DICER1: variants seen among roughly 807,000 people sequenced by gnomAD.
DICER1 encodes endoribonuclease Dicer.
Under a neutral mutation model 194.1 loss-of-function variants are expected in DICER1, and 43 were observed. That is an observed-to-expected ratio of 0.22 (90% CI 0.17 to 0.29). The LOEUF (loss-of-function observed/expected upper bound fraction) is 0.29, where lower values mean the gene tolerates loss of function less well. Ranked by LOEUF, DICER1 falls within the 10% of genes least tolerant of loss-of-function variation. The pLI is 1.00. For synonymous variants in DICER1, 832 were observed against 820.5 expected, an observed-to-expected ratio of 1.01 and a Z score of -0.24; for missense variants, 1,608 against 2,317.0, an observed-to-expected ratio of 0.69 and a Z score of 6.28.
In DICER1 at chr14:95,108,342, C is replaced by T. The variant is rs779385204; in HGVS notation, c.2418G>A (p.Thr806=). ...EDTTRCFGIL[T]AKPIPQIPHF... is the part of the protein sequence containing the mutation. ...TACCTACCTGAGGTATGGGTTTGGC[C>T]GTCAGTATTCCAAAGCATCTTGTGG... The change falls in exon 15 of 27, where the codon ACG becomes ACA. Residue 806 remains threonine, a synonymous_variant. Coordinates refer to ENST00000343455, the MANE Select transcript of DICER1 (RefSeq NM_177438.3). The T allele has an allele frequency of 4.3e-6, 7 of 1,613,812 alleles. No individual in the cohort carries two copies. Among genetic ancestry groups the T allele is most frequent in the Admixed American group, 3.3e-5 (2 of 59,998 alleles).
chr14:95,149,838 C>T (rs990011655), intron 1 of DICER1, among the ~76,000 whole-genome samples: 3 of 150,196 alleles, frequency 2.0e-5, no homozygotes, highest in East Asian at 3.8e-4. Flanking sequence ...AAATTAGACA[C>T]TTTTAAATTA....
intron 1 of DICER1, among the ~76,000 whole-genome samples, chr14:95,143,095 A>G (rs910359410): frequency 6.6e-6 from 1 of 152,202 alleles, no homozygotes; most frequent in Non-Finnish European, 1.5e-5. Context: ...AAACAAATGG[A>G]AAAAAACCAC....
intron 8 of DICER1, among the ~76,000 whole-genome samples, chr14:95,123,244 T>C (rs1893099837): frequency 6.6e-6 from 1 of 152,160 alleles, no homozygotes. Flanking sequence ...AAATCTTTCA[T>C]TGAAGGGAGA....
chr14:95,106,380 T>C (rs113189950), intron 17 of DICER1, 157 bp from the exon 18 acceptor site: 251 of 646,954 alleles, frequency 3.9e-4, no homozygotes, highest in African/African-American at 3.9e-3. Flanking sequence ...ATTTCAAGTA[T>C]GTAAGAACTG....
rs1038864590 is a variant in DICER1 at position 95,107,595 on chromosome 14, T to C, written c.2804+13A>G. On this transcript the variant is annotated intron_variant, in intron 17 of 26. Transcript: ENST00000343455. Reference sequence around the variant, plus strand: ...AGTATCACCACCATTTTCCTTTCCATTTAAATACCTACCTTGGAATGATAA... The same window carrying C: ...AGTATCACCACCATTTTCCTTTCCACTTAAATACCTACCTTGGAATGATAA... The C allele has an allele frequency of 1.9e-6, 3 of 1,613,590 alleles. No homozygotes were observed. The African/African-American group carries it at 4.0e-5, about 22-fold the overall frequency.
At chr14:95,114,439 GATAAT>G (rs1416709315) in intron 11 of DICER1, among the ~76,000 whole-genome samples, 1 of 152,138 alleles carries the variant, frequency 6.6e-6, no homozygotes, top group Non-Finnish European at 1.5e-5. Context: ...ATTAAAAAAT[GATAAT>G]ATAAGAATGA....
intron 1 of DICER1, among the ~76,000 whole-genome samples, chr14:95,156,281 G>A (rs1258185922): frequency 6.6e-6 from 1 of 152,198 alleles, no homozygotes; most frequent in Non-Finnish European, 1.5e-5. Flanking sequence ...AGAAGCATAG[G>A]CGTCCAAGTG....
chr14:95,106,249 T>A (rs1891418384), intron 17 of DICER1, 26 bp from the exon 18 acceptor site: 1 of 1,564,006 alleles, frequency 6.4e-7, no homozygotes, highest in Non-Finnish European at 8.8e-7. Flanking sequence ...AAAAAAACAA[T>A]CAGTTGCTTT....
Position 95,117,772 on chromosome 14 carries a change from A to T in DICER1, c.1377-18T>A, listed in dbSNP as rs1032236740. The T allele has an allele frequency of 1.9e-6, 3 of 1,612,710 alleles. No homozygotes were observed. The highest frequency in any genetic ancestry group is 2.7e-5 in the African/African-American group (2 of 74,838). On this transcript the variant is annotated intron_variant, in intron 8 of 26. Coordinates refer to ENST00000343455, the MANE Select transcript of DICER1 (RefSeq NM_177438.3). ...TTATCAATCTAAGAAAATTATACAC[A>T]TTTGGAAGTTAAACGTTGCTGAAAG...
At chr14:95,098,571 C>T (rs1419781292) in intron 22 of DICER1, among the ~76,000 whole-genome samples, 2 of 151,606 alleles carry the variant, frequency 1.3e-5, no homozygotes, top group African/African-American at 4.9e-5. Context: ...AAATCAATGA[C>T]ATGCCAATGT....
intron 7 of DICER1, among the ~76,000 whole-genome samples, chr14:95,125,770 AG>A (rs1432982114): frequency 4.1e-5 from 1 of 24,254 alleles, no homozygotes; most frequent in East Asian, 1.6e-3. Flanking sequence ...GGGGGAGGGG[AG>A]GGGGAGGGAG....
intron 1 of DICER1, among the ~76,000 whole-genome samples, chr14:95,156,650 C>T (rs890804872): frequency 1.8e-4 from 27 of 152,268 alleles, no homozygotes; most frequent in African/African-American, 6.5e-4. Context: ...GGCACAAAAA[C>T]ATCTGAGGGG....
At chr14:95,144,259 G>A (rs929133835) in intron 1 of DICER1, among the ~76,000 whole-genome samples, 3 of 152,026 alleles carry the variant, frequency 2.0e-5, no homozygotes, top group Non-Finnish European at 2.9e-5. Flanking sequence ...ATGTATACCC[G>A]CCTATGCAGG....
intron 13 of DICER1, 68 bp downstream of exon 13, chr14:95,112,104 C>G: frequency 7.3e-7 from 1 of 1,374,092 alleles, no homozygotes; most frequent in Non-Finnish European, 1.0e-6. Context: ...ATAAAGTCCT[C>G]TATATGCTTT....
At chr14:95,136,173 CTAT>C (rs1445436128) in intron 1 of DICER1, among the ~76,000 whole-genome samples, 1 of 151,238 alleles carries the variant, frequency 6.6e-6, no homozygotes, top group Non-Finnish European at 1.5e-5. Context: ...TATTTTTGTC[CTAT>C]TATTCTTGCA....
intron 1 of DICER1, among the ~76,000 whole-genome samples, chr14:95,142,121 A>AT (rs373712461): frequency 2.9e-4 from 43 of 148,962 alleles, no homozygotes; most frequent in African/African-American, 6.4e-4. Flanking sequence ...TTTGTTTTTT[A>AT]TTTTTTTTTT....
chr14:95,099,787 T>C lies in DICER1; in HGVS notation c.4199A>G (p.Asp1400Gly), dbSNP rs139536688. Residue 1400 changes from aspartate (D) to glycine (G), a missense_variant, in exon 22 of 27, where the codon GAT (aspartate) becomes GGT (glycine). Physicochemically the swap from Asp to Gly is moderately conservative, Grantham distance 94. Transcript: ENST00000343455. ...DKSNTDKWEK[D>G]EMTKDCMLAN... is the part of the protein sequence containing the mutation. ...ACACACACACAAACTTACCATTTCATCTTTTTCCCATTTATCTGTGTTGCT... is the reference window on the plus strand; with the variant it reads ...ACACACACACAAACTTACCATTTCACCTTTTTCCCATTTATCTGTGTTGCT... The C allele has an allele frequency of 4.7e-5, 76 of 1,612,760 alleles. No homozygotes were observed. Among genetic ancestry groups the C allele is most frequent in the South Asian group, 7.7e-5 (7 of 91,066 alleles).
chr14:95,113,336 TA>T, intron 11 of DICER1, 112 bp from the exon 12 acceptor site: 2 of 1,052,996 alleles, frequency 1.9e-6, no homozygotes, highest in Non-Finnish European at 2.9e-6. Flanking sequence ...AATTTGTATT[TA>T]TATGTGGCAT....
intron 6 of DICER1, among the ~76,000 whole-genome samples, chr14:95,127,018 A>C (rs1893534773): frequency 6.6e-6 from 1 of 152,238 alleles, no homozygotes; most frequent in Non-Finnish European, 1.5e-5. Flanking sequence ...GAGGGGAAAG[A>C]AAAGAATACA....
Sources: gnomAD v4.1 joint callset for allele counts (sites outside exome capture counted in the v4.1 genomes callset) on GRCh38, gnomAD v4.1.1 for gene constraint, MANE v1.5 for transcripts, NCBI Gene and HGNC (gene_info 2026-07-23, HGNC 2026-07-21) for gene names.